Variants in NALF1 observed in about 807,000 individuals in gnomAD.
The protein encoded by NALF1 is family with sequence similarity 155 member A.
In NALF1, 3 loss-of-function variants were observed where a neutral mutation model predicts 48.4. The observed-to-expected ratio is 0.06, with a 90% CI of 0.03 to 0.16. The LOEUF is 0.16. Among genes scored for constraint, NALF1 ranks in the 10% least tolerant of loss-of-function variants. The pLI, the probability that NALF1 is intolerant of heterozygous loss-of-function variation, is 1.00. For missense variants in NALF1, 526 were observed against 571.5 expected (o/e 0.92, Z 0.81); for synonymous variants, 262 against 245.7 (o/e 1.07, Z -0.62).
chr13:107,766,111 G>T (rs1877412672), intron 1 of NALF1, among the ~76,000 whole-genome samples: 1 of 152,128 alleles, frequency 6.6e-6, no homozygotes, highest in African/African-American at 2.4e-5. Context: ...TTCATACTGA[G>T]TTAGGAGGTG....
chr13:107,729,417 G>GA (rs1213322859), intron 1 of NALF1, among the ~76,000 whole-genome samples: 4 of 147,976 alleles, frequency 2.7e-5, no homozygotes, highest in African/African-American at 7.4e-5. Context: ...GAGTGCCACT[G>GA]AAAAAAAAAT....
At chr13:107,819,891 G>T (rs1282703454) in intron 1 of NALF1, among the ~76,000 whole-genome samples, 1 of 151,968 alleles carries the variant, frequency 6.6e-6, no homozygotes, top group Non-Finnish European at 1.5e-5. Context: ...TAGGCTTTCT[G>T]ATGTGCAGTT....
At position 107,659,609 on chromosome 13, in the gene NALF1, G is replaced by GT. The variant is rs1022901745; in HGVS notation, c.915+206072dup. Reference sequence around the variant, plus strand: ...TAAGAACCTCCATGGCAGTGAATGTGTTTTTTTTCTTTTTATATGGTGCTT... The same window carrying GT: ...TAAGAACCTCCATGGCAGTGAATGTGTTTTTTTTTCTTTTTATATGGTGCTT... On this transcript the variant is annotated intron_variant, in intron 1 of 2. Transcript: ENST00000375915. Among the ~76,000 whole-genome samples the GT allele has an allele frequency of 1.1e-4, 17 of 150,568 alleles. No homozygotes were observed. The South Asian group carries it at 1.7e-3, about 15-fold the overall frequency.
At chr13:107,497,853 TAATTA>T (rs1182633616) in intron 1 of NALF1, among the ~76,000 whole-genome samples, 2 of 152,180 alleles carry the variant, frequency 1.3e-5, no homozygotes, top group Admixed American at 6.6e-5. Context: ...CTGCATCTGA[TAATTA>T]AATACAAAAC....
intron 1 of NALF1, among the ~76,000 whole-genome samples, chr13:107,288,073 C>T (rs1304309371): frequency 6.6e-6 from 1 of 151,866 alleles, no homozygotes; most frequent in East Asian, 1.9e-4. Context: ...CATATAGGTC[C>T]TTATTTTAGT....
intron 1 of NALF1, among the ~76,000 whole-genome samples, chr13:107,260,070 T>G (rs989110743): frequency 2.0e-5 from 3 of 152,198 alleles, no homozygotes; most frequent in Admixed American, 2.0e-4. Context: ...ATCAAGAATA[T>G]AGAACTGAAT....
rs557255254 is a variant in NALF1, at chr13:107,780,227, C to G, written c.915+85455G>C. ...CTTACACTTATATGTGTGATCCTTT[C>G]ACTATTTGTAGTTTGCCTTCCCTTC... On this transcript the variant is annotated intron_variant, in intron 1 of 2. Coordinates refer to ENST00000375915, the MANE Select transcript of NALF1 (RefSeq NM_001080396.3). Among the ~76,000 whole-genome samples the G allele has an allele frequency of 2.0e-5, 3 of 152,166 alleles. No individual in the cohort carries two copies. The East Asian group carries it at 5.8e-4, about 30-fold the overall frequency.
intron 1 of NALF1, among the ~76,000 whole-genome samples, chr13:107,791,644 C>T (rs936375416): frequency 6.6e-6 from 1 of 151,970 alleles, no homozygotes; most frequent in Non-Finnish European, 1.5e-5. Flanking sequence ...ATGTTGTGAA[C>T]AAATAATAAT....
At chr13:107,492,484 T>A (rs756963629) in intron 1 of NALF1, among the ~76,000 whole-genome samples, 1 of 152,184 alleles carries the variant, frequency 6.6e-6, no homozygotes, top group Admixed American at 6.5e-5. Context: ...AGCTTCCTTA[T>A]ATTCCTTACA....
intron 1 of NALF1, among the ~76,000 whole-genome samples, chr13:107,253,304 A>C (rs1426265291): frequency 1.3e-5 from 2 of 152,168 alleles, no homozygotes; most frequent in East Asian, 3.9e-4. Flanking sequence ...ACAAAGTAAC[A>C]AGCTAGATGG....
intron 1 of NALF1, among the ~76,000 whole-genome samples, chr13:107,551,287 T>C (rs182163110): frequency 1.3e-5 from 2 of 152,328 alleles, no homozygotes; most frequent in Admixed American, 1.3e-4. Flanking sequence ...GTCTTATATT[T>C]ATGCAAATTC....
intron 1 of NALF1, among the ~76,000 whole-genome samples, chr13:107,306,296 C>G (rs1881934982): frequency 4.6e-5 from 7 of 152,128 alleles, no homozygotes; most frequent in Admixed American, 4.6e-4. Context: ...AATCAAATCA[C>G]AAAGATGTTC....
At chr13:107,676,505 T>A (rs1881126717) in intron 1 of NALF1, among the ~76,000 whole-genome samples, 1 of 152,076 alleles carries the variant, frequency 6.6e-6, no homozygotes, top group Non-Finnish European at 1.5e-5. Context: ...TTAGGAGGGC[T>A]GCCAGGCCCC....
At chr13:107,488,563 A>T (rs901181295) in intron 1 of NALF1, among the ~76,000 whole-genome samples, 3 of 152,168 alleles carry the variant, frequency 2.0e-5, no homozygotes, top group African/African-American at 7.2e-5. Context: ...TCTTTCAATA[A>T]TATTCAACAT....
chr13:107,299,612 A>G (rs1379449392), intron 1 of NALF1, among the ~76,000 whole-genome samples: 2 of 151,776 alleles, frequency 1.3e-5, no homozygotes, highest in Non-Finnish European at 2.9e-5. Flanking sequence ...ATTGACAAAG[A>G]GCAATTTTAT....
At chr13:107,812,049 T>G (rs1271131508) in intron 1 of NALF1, among the ~76,000 whole-genome samples, 1 of 152,190 alleles carries the variant, frequency 6.6e-6, no homozygotes, top group Non-Finnish European at 1.5e-5. Context: ...AGAAAATATT[T>G]TAATGGTGGT....
intron 1 of NALF1, among the ~76,000 whole-genome samples, chr13:107,390,699 C>A (rs1883611141): frequency 6.6e-6 from 1 of 152,020 alleles, no homozygotes. Flanking sequence ...CAACCTTGGA[C>A]AATGCTGTCA....
intron 1 of NALF1, among the ~76,000 whole-genome samples, chr13:107,237,854 T>C (rs560422449): frequency 6.6e-6 from 1 of 152,304 alleles, no homozygotes; most frequent in South Asian, 2.1e-4. Context: ...ATTGGACACA[T>C]TGGTTTATTA....
At chr13:107,468,040 T>A (rs1300881024) in intron 1 of NALF1, among the ~76,000 whole-genome samples, 1 of 127,864 alleles carries the variant, frequency 7.8e-6, no homozygotes, top group Non-Finnish European at 1.5e-5. Flanking sequence ...AGAGCGAGAC[T>A]CCGTCTCAAA....
Sources: gnomAD v4.1 joint callset for allele counts (sites outside exome capture counted in the v4.1 genomes callset) on GRCh38, gnomAD v4.1.1 for gene constraint, MANE v1.5 for transcripts, NCBI Gene and HGNC (gene_info 2026-07-23, HGNC 2026-07-21) for gene names.